FER: variants seen among roughly 807,000 people sequenced by gnomAD.
The protein encoded by FER is tyrosine-protein kinase Fer.
Under a neutral mutation model 111.0 loss-of-function variants are expected in FER, and 63 were observed. The ratio of observed to expected loss-of-function variants is 0.57; its 90% confidence interval spans 0.46 to 0.70. The LOEUF is 0.70. Among genes scored for constraint, FER ranks in the 30% least tolerant of loss-of-function variants. The pLI, the probability that FER is intolerant of heterozygous loss-of-function variation, is 0.00. For synonymous variants in FER, 327 were observed against 313.9 expected, an observed-to-expected ratio of 1.04 and a Z score of -0.44; for missense variants, 914 against 954.0, an observed-to-expected ratio of 0.96 and a Z score of 0.55.
intron 3 of FER, among the ~76,000 whole-genome samples, chr5:108,804,903 T>G (rs1275423463): frequency 6.6e-6 from 1 of 152,142 alleles, no homozygotes; most frequent in Non-Finnish European, 1.5e-5. Context: ...TGGAATAGTT[T>G]CTGTAGAATT....
chr5:109,119,556 G>T (rs1367221774), intron 17 of FER, among the ~76,000 whole-genome samples: 1 of 152,046 alleles, frequency 6.6e-6, no homozygotes, highest in Non-Finnish European at 1.5e-5. Flanking sequence ...TCAATTCCTG[G>T]ATATCCTTGT....
intron 16 of FER, among the ~76,000 whole-genome samples, chr5:109,060,765 TGTGTGTG>T (rs1561843006): frequency 4.0e-5 from 5 of 124,568 alleles, no homozygotes; most frequent in African/African-American, 1.4e-4. Context: ...GTGTGGTGTG[TGTGTGTG>T]TATATATATA....
intron 1 of FER, among the ~76,000 whole-genome samples, chr5:108,750,704 G>A (rs12152902): frequency 0.13 from 19,640 of 152,240 alleles, 1,572 homozygotes; most frequent in Non-Finnish European, 0.19. Context: ...CGATGTAGAT[G>A]TTACTGTAAC....
At chr5:109,146,122 TTGTC>T (rs1178029692) in intron 17 of FER, among the ~76,000 whole-genome samples, 2 of 143,960 alleles carry the variant, frequency 1.4e-5, no homozygotes, top group African/African-American at 5.1e-5. Flanking sequence ...TCCATTTTAA[TTGTC>T]TGAATTTAAA....
At chr5:108,940,784 T>A (rs1175705410) in intron 10 of FER, among the ~76,000 whole-genome samples, 1 of 152,004 alleles carries the variant, frequency 6.6e-6, no homozygotes, top group Non-Finnish European at 1.5e-5. Flanking sequence ...CCTCAATACA[T>A]CAGAATGGTG....
chr5:109,187,706 G>C lies in FER; in HGVS notation c.*131G>C, dbSNP rs577670199. 241 of 1,190,444 alleles carry C rather than the reference G, an allele frequency of 2.0e-4. No individual in the cohort carries two copies. The African/African-American group carries it at 3.5e-3, about 17-fold the overall frequency. The allele number at this position is 1,190,444 out of a possible 1,614,324, so 73.7% of individuals were successfully genotyped here. On this transcript the variant is annotated 3_prime_UTR_variant, in exon 20 of 20. Transcript: ENST00000281092. ...TCTACCATTATTTTTTATTAACTGG[G>C]TGTTTTAAAAGTACGTTCCACTTGT...
intron 8 of FER, among the ~76,000 whole-genome samples, chr5:108,875,910 A>T (rs1311111299): frequency 2.6e-5 from 4 of 152,196 alleles, no homozygotes; most frequent in Non-Finnish European, 5.9e-5. Flanking sequence ...TCAGTAGTAG[A>T]TATATTTGAA....
intron 5 of FER, among the ~76,000 whole-genome samples, chr5:108,842,093 T>C (rs1282515160): frequency 6.6e-6 from 1 of 152,192 alleles, no homozygotes; most frequent in Non-Finnish European, 1.5e-5. Context: ...GCAGAAATAT[T>C]CACAGCTGAA....
At chr5:108,914,497 G>A (rs1751998590) in intron 10 of FER, among the ~76,000 whole-genome samples, 1 of 152,084 alleles carries the variant, frequency 6.6e-6, no homozygotes. Flanking sequence ...CAGATCTCTT[G>A]TGGTTGAAAA....
chr5:109,042,289 G>T (rs1771289473), intron 14 of FER, among the ~76,000 whole-genome samples: 1 of 152,068 alleles, frequency 6.6e-6, no homozygotes, highest in African/African-American at 2.4e-5. Context: ...ATGACTTTTT[G>T]TCTCACCCCT....
intron 1 of FER, among the ~76,000 whole-genome samples, chr5:108,751,230 A>G (rs1455544732): frequency 6.6e-6 from 1 of 152,064 alleles, no homozygotes; most frequent in East Asian, 1.9e-4. Context: ...AAACCACAAA[A>G]AGCCCAGCAT....
At chr5:109,013,437 C>T (rs184513924) in intron 13 of FER, among the ~76,000 whole-genome samples, 2 of 151,536 alleles carry the variant, frequency 1.3e-5, no homozygotes, top group South Asian at 2.1e-4. Context: ...GCATAGTATT[C>T]CACGGTGTAT....
intron 10 of FER, among the ~76,000 whole-genome samples, chr5:108,939,163 A>G (rs1432351346): frequency 1.3e-5 from 2 of 151,664 alleles, no homozygotes; most frequent in East Asian, 1.9e-4. Context: ...ATTAATGGGA[A>G]TAAGTGAGAA....
chr5:108,959,660 TA>T (rs1290620586), intron 13 of FER, among the ~76,000 whole-genome samples: 2 of 152,026 alleles, frequency 1.3e-5, no homozygotes, highest in African/African-American at 4.8e-5. Context: ...AGGTTCAGGT[TA>T]TAACAGATTC....
At chr5:108,899,016 T>G (rs942942091) in intron 10 of FER, among the ~76,000 whole-genome samples, 1 of 151,932 alleles carries the variant, frequency 6.6e-6, no homozygotes, top group Non-Finnish European at 1.5e-5. Flanking sequence ...ATAGCTGATA[T>G]TTTAGTACTT....
chr5:109,176,853 G>T (rs1356009267), intron 17 of FER, among the ~76,000 whole-genome samples: 1 of 152,222 alleles, frequency 6.6e-6, no homozygotes, highest in Non-Finnish European at 1.5e-5. Flanking sequence ...CACTTGGCCT[G>T]TGTGGAGGAA....
At chr5:108,836,875 C>T (rs997950312) in intron 5 of FER, among the ~76,000 whole-genome samples, 3 of 151,996 alleles carry the variant, frequency 2.0e-5, no homozygotes, top group Admixed American at 2.0e-4. Flanking sequence ...CTTCCTCCTC[C>T]ACTTCTTACC....
At chr5:109,004,125 A>G (rs555943946) in intron 13 of FER, among the ~76,000 whole-genome samples, 2 of 152,290 alleles carry the variant, frequency 1.3e-5, no homozygotes, top group Admixed American at 6.5e-5. Flanking sequence ...GTAAATCCCT[A>G]CAACTTTTCT....
At position 109,047,176 on chromosome 5, in the gene FER, C is replaced by T; in HGVS notation, c.1902C>T (p.Tyr634=). 1.2e-6 allele frequency: 2 copies of T among 1,602,810 alleles called. 1 individual carries two copies. The highest frequency in any genetic ancestry group is 4.5e-5 in the East Asian group (2 of 44,144). ...IGVCTQRQPV[Y]IIMELVSGGD... ...TTTGCACACAAAGACAGCCTGTCTA[C>T]ATCATTATGGAACTGGTTTCAGGTA... The change falls in exon 16 of 20, where the codon TAC becomes TAT. Residue 634 remains tyrosine, a synonymous_variant. Transcript: ENST00000281092.
Sources: gnomAD v4.1 joint callset for allele counts (sites outside exome capture counted in the v4.1 genomes callset) on GRCh38, gnomAD v4.1.1 for gene constraint, MANE v1.5 for transcripts, NCBI Gene and HGNC (gene_info 2026-07-23, HGNC 2026-07-21) for gene names.